CFH: variants seen among roughly 807,000 people sequenced by gnomAD.
CFH encodes H factor 1 (complement).
CFH carries 53 observed loss-of-function variants against 147.3 expected under a neutral mutation model. The observed-to-expected ratio is 0.36, with a 90% CI of 0.29 to 0.45. The LOEUF is 0.45. Ranked by LOEUF, CFH falls within the 20% of genes least tolerant of loss-of-function variation. The pLI, the probability that CFH is intolerant of heterozygous loss-of-function variation, is 1.00. For synonymous variants in CFH, 536 were observed against 489.4 expected (o/e 1.10, Z -1.26); for missense variants, 1,380 against 1,498.0 (o/e 0.92, Z 1.30).
chr1:196,679,596 T>C, intron 5 of CFH, 27 bp from the exon 6 acceptor site: 1 of 1,526,780 alleles, frequency 6.5e-7, no homozygotes, highest in Non-Finnish European at 9.1e-7. Context: ...GCAATAAACA[T>C]TTTGGAATTT....
intron 9 of CFH, among the ~76,000 whole-genome samples, chr1:196,691,791 TTTC>T (rs1358012096): frequency 6.6e-6 from 1 of 151,998 alleles, no homozygotes; most frequent in African/African-American, 2.4e-5. Flanking sequence ...ATGATGAATG[TTTC>T]TTGTTTCTAT....
chr1:196,740,482 C>A, intron 17 of CFH, 137 bp from the exon 18 acceptor site: 4 of 850,712 alleles, frequency 4.7e-6, no homozygotes, highest in Non-Finnish European at 7.2e-6. Context: ...TTTTAGGAAA[C>A]ATTTGTGTTA....
chr1:196,747,292 T>C lies in CFH; in HGVS notation c.3675T>C (p.Tyr1225=). Residue 1225 remains tyrosine (Y), a synonymous_variant, in exon 22 of 22, where the codon TAT becomes TAC. Transcript: ENST00000367429. The part of the protein sequence containing the change: ...RTTCWDGKLE[Y]PTCAKR Reference sequence around the variant, plus strand: ...CATGTTGGGATGGGAAACTGGAGTATCCAACTTGTGCAAAAAGATAGAATC... The same window carrying C: ...CATGTTGGGATGGGAAACTGGAGTACCCAACTTGTGCAAAAAGATAGAATC... 1 of 1,614,054 alleles carries C rather than the reference T, an allele frequency of 6.2e-7. No individual in the cohort carries two copies. The highest frequency in any genetic ancestry group is 8.5e-7 in the Non-Finnish European group (1 of 1,179,966).
At chr1:196,668,002 T>C (rs1667154713) in intron 1 of CFH, among the ~76,000 whole-genome samples, 1 of 152,164 alleles carries the variant, frequency 6.6e-6, no homozygotes, top group South Asian at 2.1e-4. Flanking sequence ...TTGTTTCATA[T>C]TATACTCTTG....
At chr1:196,701,936 C>T (rs1485328027) in intron 9 of CFH, among the ~76,000 whole-genome samples, 1 of 152,122 alleles carries the variant, frequency 6.6e-6, no homozygotes, top group Middle Eastern at 3.2e-3. Context: ...CTGCATGGTT[C>T]TCATGCTTAC....
At chr1:196,652,625 TA>T (rs1359722538) in intron 1 of CFH, among the ~76,000 whole-genome samples, 1 of 151,866 alleles carries the variant, frequency 6.6e-6, no homozygotes, top group Non-Finnish European at 1.5e-5. Flanking sequence ...AAAATTCATT[TA>T]TCATTTACAA....
At chr1:196,674,584 T>A (rs1667392932) in intron 3 of CFH, among the ~76,000 whole-genome samples, 1 of 143,086 alleles carries the variant, frequency 7.0e-6, no homozygotes, top group South Asian at 2.2e-4. Context: ...AAAAATTATT[T>A]TGGAGAAAAA....
chr1:196,707,567 C>G (rs182093350), intron 9 of CFH, among the ~76,000 whole-genome samples: 30 of 152,268 alleles, frequency 2.0e-4, no homozygotes, highest in African/African-American at 7.2e-4. Flanking sequence ...TGACTGGTGA[C>G]CCATTCCTCT....
At chr1:196,674,533 A>C (rs1192471475) in intron 3 of CFH, among the ~76,000 whole-genome samples, 1 of 152,174 alleles carries the variant, frequency 6.6e-6, no homozygotes, top group Non-Finnish European at 1.5e-5. Flanking sequence ...ATCACTGTAT[A>C]TCCTCAGTGT....
intron 9 of CFH, among the ~76,000 whole-genome samples, chr1:196,691,870 C>A (rs1668035998): frequency 6.6e-6 from 1 of 151,778 alleles, no homozygotes; most frequent in Admixed American, 6.6e-5. Context: ...TTATAAGTTA[C>A]CTTTTCTTTT....
chr1:196,722,039 A>T (rs1669013257), intron 11 of CFH, among the ~76,000 whole-genome samples: 1 of 152,014 alleles, frequency 6.6e-6, no homozygotes, highest in Admixed American at 6.6e-5. Flanking sequence ...TAATCTATTT[A>T]TGTTAAAAGT....
intron 6 of CFH, among the ~76,000 whole-genome samples, chr1:196,682,540 TG>T (rs1235671575): frequency 2.6e-5 from 4 of 151,644 alleles, no homozygotes; most frequent in Non-Finnish European, 5.9e-5. Flanking sequence ...TCTTGTTTTT[TG>T]CATCTCATAG....
At chr1:196,669,576 C>A (rs1161117894) in intron 1 of CFH, among the ~76,000 whole-genome samples, 1 of 152,182 alleles carries the variant, frequency 6.6e-6, no homozygotes, top group Non-Finnish European at 1.5e-5. Context: ...ATAATGAAAG[C>A]CCTAAGCCTT....
chr1:196,708,154 G>A (rs1233491816), intron 9 of CFH, among the ~76,000 whole-genome samples: 1 of 152,138 alleles, frequency 6.6e-6, no homozygotes, highest in Admixed American at 6.6e-5. Context: ...GCCTAGACAG[G>A]CATAGCAACA....
chr1:196,682,704 T>C (rs1214602253), intron 6 of CFH, among the ~76,000 whole-genome samples: 2 of 151,764 alleles, frequency 1.3e-5, no homozygotes, highest in Non-Finnish European at 3.0e-5. Context: ...TTAGGACTTA[T>C]TTGAAGTTAG....
chr1:196,747,412 G>A lies in CFH; in HGVS notation c.*99G>A, dbSNP rs562692527. 5.4e-5 allele frequency: 79 copies of A among 1,450,908 alleles called. No homozygotes were observed. The East Asian group carries it at 6.1e-4, about 11-fold the overall frequency. The allele number at this position is 1,450,908 out of a possible 1,614,324, so 89.9% of individuals were successfully genotyped here. On this transcript the variant is annotated 3_prime_UTR_variant, in exon 22 of 22. Transcript: ENST00000367429. ...TTGTTTTACTCCTTTTTATTCATAC[G>A]TAAAATTTTGGATTAATTTGTGAAA...
intron 14 of CFH, among the ~76,000 whole-genome samples, 165 bp downstream of exon 14, chr1:196,727,105 A>G (rs1308453307): frequency 3.3e-5 from 5 of 152,204 alleles, no homozygotes; most frequent in African/African-American, 1.2e-4. Context: ...ATATGTGTCT[A>G]GAAAGAAAAA....
intron 9 of CFH, chr1:196,690,505 T>C: frequency 4.1e-6 from 2 of 492,312 alleles, no homozygotes; most frequent in South Asian, 4.0e-5. Context: ...GTTGGTTAAA[T>C]GAAGTCGTAT....
rs1347547262 is a variant in CFH at position 196,747,397 on chromosome 1, C to T, written c.*84C>T. The T allele has an allele frequency of 3.4e-5, 52 of 1,540,634 alleles. No homozygotes were observed. Among genetic ancestry groups the T allele is most frequent in the Non-Finnish European group, 2.9e-5 (33 of 1,122,220 alleles). ...TTCATTTTTTATGTATTGTTTTACT[C>T]CTTTTTATTCATACGTAAAATTTTG... On this transcript the variant is annotated 3_prime_UTR_variant, in exon 22 of 22. Transcript: ENST00000367429.
Sources: allele counts gnomAD v4.1 joint callset (sites outside exome capture counted in the v4.1 genomes callset), GRCh38; gene constraint gnomAD v4.1.1; transcripts MANE v1.5; gene names NCBI Gene and HGNC (gene_info 2026-07-23, HGNC 2026-07-21).